ACO1: variants seen among roughly 807,000 people sequenced by gnomAD.
The protein encoded by ACO1 is cytoplasmic aconitate hydratase.
Under a neutral mutation model 105.1 loss-of-function variants are expected in ACO1, and 78 were observed. The ratio of observed to expected loss-of-function variants is 0.74; its 90% CI spans 0.62 to 0.90. The LOEUF is 0.90. ACO1 is among the 40% of genes least tolerant of loss of function. The pLI, the probability that ACO1 is intolerant of heterozygous loss-of-function variation, is 0.00. For missense variants in ACO1, 965 were observed against 1,111.1 expected (o/e 0.87, Z 1.87); for synonymous variants, 364 against 397.4 (o/e 0.92, Z 1.00).
chr9:32,436,996 C>G lies in ACO1; in HGVS notation c.2247+599C>G, dbSNP rs537379453. ...AATGAAATGGAATGAAATATAAAAC[C>G]TAGCATAGAGTCTGGTACATGTCAT... is the stretch of plus-strand genomic sequence containing the variant. On this transcript the variant is annotated intron_variant, in intron 18 of 20. Coordinates refer to ENST00000309951, the MANE Select transcript of ACO1 (RefSeq NM_002197.3). Among the ~76,000 whole-genome samples, 173 of 152,302 alleles carry G rather than the reference C, an allele frequency of 1.1e-3. 5 individuals carry two copies. In the South Asian group the frequency reaches 0.035, roughly 31 times the overall value.
intron 4 of ACO1, among the ~76,000 whole-genome samples, chr9:32,417,106 G>C (rs907740677): frequency 3.9e-5 from 6 of 152,152 alleles, no homozygotes; most frequent in Admixed American, 3.3e-4. Context: ...TTCAATCCCA[G>C]TTCCACCACT....
At chr9:32,409,390 C>A (rs1017748659) in intron 4 of ACO1, among the ~76,000 whole-genome samples, 1 of 152,200 alleles carries the variant, frequency 6.6e-6, no homozygotes, top group Non-Finnish European at 1.5e-5. Flanking sequence ...TGAAATTATT[C>A]TTCGATTAAG....
At chr9:32,399,930 AG>A (rs1193458554) in intron 1 of ACO1, among the ~76,000 whole-genome samples, 1 of 148,428 alleles carries the variant, frequency 6.7e-6, no homozygotes, top group Non-Finnish European at 1.5e-5. Flanking sequence ...TTGTTGCTAC[AG>A]TGAGCATCTA....
intron 3 of ACO1, 29 bp from the exon 4 acceptor site, chr9:32,408,485 T>G (rs760881923): frequency 6.2e-7 from 1 of 1,612,698 alleles, no homozygotes; most frequent in Admixed American, 1.7e-5. Flanking sequence ...TAAGGCTTAT[T>G]TTCTGCATTA....
intron 1 of ACO1, among the ~76,000 whole-genome samples, chr9:32,389,213 G>A (rs1016018361): frequency 5.9e-5 from 9 of 152,204 alleles, no homozygotes; most frequent in African/African-American, 2.2e-4. Flanking sequence ...GAAAGCATGT[G>A]CATATATGTA....
intron 1 of ACO1, among the ~76,000 whole-genome samples, chr9:32,403,253 A>G (rs1337259300): frequency 1.3e-5 from 2 of 152,194 alleles, no homozygotes; most frequent in Non-Finnish European, 2.9e-5. Context: ...TTATCTGTAC[A>G]ATGGAAATAA....
intron 1 of ACO1, among the ~76,000 whole-genome samples, chr9:32,396,465 C>T (rs1233785917): frequency 6.6e-6 from 1 of 152,196 alleles, no homozygotes; most frequent in Non-Finnish European, 1.5e-5. Flanking sequence ...CTTGCCTTTT[C>T]TGTCTTCCCC....
chr9:32,384,683 C>G lies in ACO1; in HGVS notation c.-75C>G, dbSNP rs567452497. The G allele has an allele frequency of 1.5e-5, 6 of 409,242 alleles. No individual in the cohort carries two copies. The highest frequency in any genetic ancestry group is 1.0e-4 in the South Asian group (6 of 59,910). The allele number at this position is 409,242 out of a possible 1,614,324, so 25.4% of individuals were successfully genotyped here. A position where few individuals can be genotyped will look rare whatever the true frequency, so the allele number is the denominator to read the frequency against. On this transcript the variant is annotated 5_prime_UTR_variant, in exon 1 of 21. Coordinates refer to ENST00000309951, the MANE Select transcript of ACO1 (RefSeq NM_002197.3). ...ACCGCGCAGCGCACGGGAACGCGTC[C>G]CGCTGCTTGGGTCAGGTTCGCCGGT...
chr9:32,405,111 C>CTAGGTGGGAGAA (rs111582718), intron 1 of ACO1, among the ~76,000 whole-genome samples: 139,347 of 152,200 alleles, frequency 0.92, 64,557 homozygotes, highest in Non-Finnish European at 1. Flanking sequence ...GCATGTGAGA[C>CTAGGTGGGAGAA]GTAGTTCCCA....
intron 1 of ACO1, among the ~76,000 whole-genome samples, chr9:32,391,170 C>T (rs767115700): frequency 6.6e-6 from 1 of 152,186 alleles, no homozygotes; most frequent in Non-Finnish European, 1.5e-5. Context: ...CCTAGCAGCC[C>T]TTGTCATCTG....
chr9:32,389,866 T>A (rs1821230831), intron 1 of ACO1, among the ~76,000 whole-genome samples: 1 of 144,296 alleles, frequency 6.9e-6, no homozygotes, highest in Non-Finnish European at 1.5e-5. Context: ...TGGTGCAACC[T>A]CAGCTCACTC....
Position 32,448,756 on chromosome 9 carries a change from G to A in ACO1, c.2371-140G>A, listed in dbSNP as rs1221338156. ...GAAATGCAGAAATCACTCGCCTTCT[G>A]TGTCAGTCTCACTGGGAGCTGCAGA... On this transcript the variant is annotated intron_variant, in intron 19 of 20. Transcript: ENST00000309951. The A allele has an allele frequency of 4.8e-6, 4 of 836,922 alleles. No individual in the cohort carries two copies. In the African/African-American group the frequency reaches 5.0e-5, roughly 11 times the overall value. 51.8% of individuals were successfully genotyped at this position (836,922 alleles called of 1,614,324 possible). A position where few individuals can be genotyped will look rare whatever the true frequency, so the allele number is the denominator to read the frequency against.
chr9:32,424,916 T>TTACTC (rs61194129), intron 10 of ACO1, among the ~76,000 whole-genome samples: 58,612 of 151,780 alleles, frequency 0.39, 11,771 homozygotes, highest in Middle Eastern at 0.57. Flanking sequence ...ACCACACTGT[T>TTACTC]TACTCACCCG....
At chr9:32,404,539 C>A (rs1821565463) in intron 1 of ACO1, among the ~76,000 whole-genome samples, 2 of 152,144 alleles carry the variant, frequency 1.3e-5, no homozygotes, top group East Asian at 1.9e-4. Context: ...ATTAGATGAT[C>A]TCTCAACACT....
intron 1 of ACO1, among the ~76,000 whole-genome samples, chr9:32,402,382 G>A (rs946585513): frequency 2.0e-5 from 3 of 152,120 alleles, no homozygotes; most frequent in Non-Finnish European, 2.9e-5. Context: ...CATTGTCTTC[G>A]TTTGTTCATT....
chr9:32,421,357 T>C (rs1821970775), intron 8 of ACO1, among the ~76,000 whole-genome samples: 1 of 152,214 alleles, frequency 6.6e-6, no homozygotes, highest in South Asian at 2.1e-4. Flanking sequence ...AGGTACCTAG[T>C]ATGTATTTGC....
chr9:32,440,400 T>A, intron 18 of ACO1, 65 bp from the exon 19 acceptor site: 2 of 1,603,390 alleles, frequency 1.2e-6, no homozygotes, highest in South Asian at 1.1e-5. Context: ...TCACCAGGGC[T>A]CAGGGGACCT....
rs764702759 is a variant in ACO1 at position 32,450,070 on chromosome 9, G to C, written c.2629G>C (p.Gly877Arg). 1 of 1,613,846 alleles carries C rather than the reference G, an allele frequency of 6.2e-7. No individual in the cohort carries two copies. Among genetic ancestry groups the C allele is most frequent in the Non-Finnish European group, 8.5e-7 (1 of 1,179,950 alleles). Residue 877 changes from glycine (G) to arginine (R), a missense_variant, in exon 21 of 21, where the codon GGG becomes CGG. Gly to Arg is a moderately radical substitution (Grantham distance 125, BLOSUM62 -2). Coordinates refer to ENST00000309951, the MANE Select transcript of ACO1 (RefSeq NM_002197.3). The part of the protein sequence containing the change: ...TDVELTYFLN[G>R]GILNYMIRKM... ...TGTGGAGCTCACTTATTTCCTCAACGGGGGCATCCTCAACTACATGATCCG... is the reference window on the plus strand; with the variant it reads ...TGTGGAGCTCACTTATTTCCTCAACCGGGGCATCCTCAACTACATGATCCG...
chr9:32,431,765 G>C lies in ACO1; in HGVS notation c.1773G>C (p.Pro591=), dbSNP rs761563397. The stretch of plus-strand genomic sequence containing the variant: ...AGGTATTTCTGAAAGATATCTGGCC[G>C]ACTAGAGACGAGATCCAGGCAGTGG... ...GQQVFLKDIW[P]TRDEIQAVER... is the part of the protein sequence containing the mutation. The change falls in exon 15 of 21, where the codon CCG becomes CCC. Residue 591 remains proline (P), a synonymous_variant. Transcript: ENST00000309951. 6.2e-7 allele frequency: 1 copy of C among 1,614,094 alleles called. No homozygotes were observed. The highest frequency in any genetic ancestry group is 1.7e-5 in the Admixed American group (1 of 60,012).
Sources: allele counts gnomAD v4.1 joint callset (sites outside exome capture counted in the v4.1 genomes callset), GRCh38; gene constraint gnomAD v4.1.1; transcripts MANE v1.5; gene names NCBI Gene and HGNC (gene_info 2026-07-23, HGNC 2026-07-21).